The following WDR70 variants were observed in gnomAD, a reference collection of about 807,000 sequenced individuals.
WDR70 encodes WD repeat-containing protein 70.
WDR70 carries 53 observed loss-of-function variants against 88.6 expected under a neutral mutation model. The observed-to-expected ratio is 0.60, with a 90% CI of 0.48 to 0.75. WDR70 has a LOEUF of 0.75. Among genes scored for constraint, WDR70 ranks in the 30% least tolerant of loss-of-function variants. The pLI is 0.00. For synonymous variants in WDR70, 280 were observed against 270.0 expected, an observed-to-expected ratio of 1.04 and a Z score of -0.36; for missense variants, 610 against 823.2, an observed-to-expected ratio of 0.74 and a Z score of 3.17.
chr5:37,627,480 T>G (rs1009999326), intron 10 of WDR70, among the ~76,000 whole-genome samples: 4 of 152,152 alleles, frequency 2.6e-5, no homozygotes, highest in East Asian at 1.9e-4. Context: ...TTGTTTGTTT[T>G]TTTTCTTCAT....
chr5:37,402,943 C>CTTTTTTTT (rs1561838923), intron 5 of WDR70, among the ~76,000 whole-genome samples: 29 of 41,668 alleles, frequency 7.0e-4, no homozygotes, highest in African/African-American at 2.1e-3. Flanking sequence ...TCCCTCCCTC[C>CTTTTTTTT]GTTTTTTTTT....
chr5:37,470,595 G>T (rs960337547), intron 7 of WDR70, among the ~76,000 whole-genome samples: 1 of 152,084 alleles, frequency 6.6e-6, no homozygotes, highest in South Asian at 2.1e-4. Context: ...TATTGTTTTT[G>T]TCTGGCTTCT....
At chr5:37,429,715 T>C (rs546317283) in intron 5 of WDR70, among the ~76,000 whole-genome samples, 3 of 152,354 alleles carry the variant, frequency 2.0e-5, no homozygotes, top group African/African-American at 7.2e-5. Context: ...ACTATCACAA[T>C]GTCTCAGTTA....
intron 1 of WDR70, 32 bp from the exon 2 acceptor site, chr5:37,379,457 A>T: frequency 6.2e-7 from 1 of 1,613,824 alleles, no homozygotes; most frequent in East Asian, 2.2e-5. Context: ...CGCCGCACTA[A>T]CTAGGCCGCC....
At chr5:37,703,672 T>C (rs1054063416) in intron 13 of WDR70, among the ~76,000 whole-genome samples, 14 of 152,244 alleles carry the variant, frequency 9.2e-5, no homozygotes, top group African/African-American at 2.9e-4. Flanking sequence ...CATTCACTGA[T>C]GCATTCATTC....
At chr5:37,399,419 CAAAAA>C (rs950538639) in intron 5 of WDR70, among the ~76,000 whole-genome samples, 1 of 151,638 alleles carries the variant, frequency 6.6e-6, no homozygotes, top group African/African-American at 2.4e-5. Flanking sequence ...GACTCTGTCT[CAAAAA>C]AAAATTTTTT....
chr5:37,600,813 G>A (rs1230702799), intron 9 of WDR70, among the ~76,000 whole-genome samples: 1 of 114,166 alleles, frequency 8.8e-6, no homozygotes, highest in Non-Finnish European at 2.2e-5. Context: ...ATGTAAAAGG[G>A]TACAGCCACT....
At chr5:37,708,883 G>A (rs1747434107) in intron 13 of WDR70, among the ~76,000 whole-genome samples, 2 of 152,154 alleles carry the variant, frequency 1.3e-5, no homozygotes, top group Non-Finnish European at 2.9e-5. Context: ...CTATGCCTGT[G>A]AAAGTTTGAT....
intron 9 of WDR70, among the ~76,000 whole-genome samples, chr5:37,563,472 A>T: frequency 2.3e-5 from 1 of 44,358 alleles, no homozygotes; most frequent in African/African-American, 6.8e-5. Flanking sequence ...CTGGCCGGGC[A>T]GAGGGGCTCC....
chr5:37,705,860 T>C (rs1747307951), intron 13 of WDR70, among the ~76,000 whole-genome samples: 1 of 152,186 alleles, frequency 6.6e-6, no homozygotes, highest in Non-Finnish European at 1.5e-5. Context: ...CAGACAGTGA[T>C]GGCATTATGT....
At chr5:37,553,834 G>A (rs1412362343) in intron 9 of WDR70, among the ~76,000 whole-genome samples, 1 of 152,134 alleles carries the variant, frequency 6.6e-6, no homozygotes, top group Non-Finnish European at 1.5e-5. Context: ...GTTATTTAAT[G>A]TCTCCATGCC....
intron 5 of WDR70, among the ~76,000 whole-genome samples, chr5:37,421,357 C>G (rs1749940893): frequency 1.3e-5 from 2 of 152,230 alleles, no homozygotes; most frequent in Non-Finnish European, 2.9e-5. Context: ...ACTTTTTCTT[C>G]TCTCTGGATG....
chr5:37,752,465 CTTCTT>C lies in WDR70; in HGVS notation c.1878-19_1878-15del. The C allele has an allele frequency of 6.3e-7, 1 of 1,588,034 alleles. No homozygotes were observed. Among genetic ancestry groups the C allele is most frequent in the Non-Finnish European group, 8.6e-7 (1 of 1,168,634 alleles). ...ACTTTCTGACTAAATTTTTCCTTCT[CTTCTT>C]TAACTTTTCTTTTAGGACTCAGCCC... On this transcript the variant is annotated splice_polypyrimidine_tract_variant and intron_variant, in intron 17 of 17. Coordinates refer to ENST00000265107, the MANE Select transcript of WDR70 (RefSeq NM_018034.4).
chr5:37,609,936 A>T lies in WDR70; in HGVS notation c.1092+4698A>T, dbSNP rs1023166957. Reference sequence around the variant, plus strand: ...AAATGTCTCCAGTTGCTGTCAGATAACCCATGTTAAAAGATTACTTTATGT... The same window carrying T: ...AAATGTCTCCAGTTGCTGTCAGATATCCCATGTTAAAAGATTACTTTATGT... On this transcript the variant is annotated intron_variant, in intron 10 of 17. Coordinates refer to ENST00000265107, the MANE Select transcript of WDR70 (RefSeq NM_018034.4). Among the ~76,000 whole-genome samples, 8 of 152,224 alleles carry T rather than the reference A, an allele frequency of 5.3e-5. 1 individual carries two copies. The highest frequency in any genetic ancestry group is 1.9e-4 in the African/African-American group (8 of 41,470).
intron 4 of WDR70, among the ~76,000 whole-genome samples, chr5:37,393,128 C>T (rs941863406): frequency 1.2e-4 from 18 of 152,122 alleles, no homozygotes; most frequent in Admixed American, 3.3e-4. Flanking sequence ...CTGCAACCTC[C>T]GCCTCCCGGG....
intron 7 of WDR70, among the ~76,000 whole-genome samples, chr5:37,469,291 C>A (rs1350736677): frequency 6.6e-6 from 1 of 152,164 alleles, no homozygotes; most frequent in Non-Finnish European, 1.5e-5. Flanking sequence ...CCTGCTGATA[C>A]AGGACCAAAG....
chr5:37,410,675 A>G (rs1197126161), intron 5 of WDR70, among the ~76,000 whole-genome samples: 1 of 152,210 alleles, frequency 6.6e-6, no homozygotes, highest in Non-Finnish European at 1.5e-5. Context: ...TATAAATGGT[A>G]TGTACAGAGT....
At chr5:37,379,621 G>C in intron 2 of WDR70, 67 bp downstream of exon 2, 1 of 1,555,300 alleles carries the variant, frequency 6.4e-7, no homozygotes, top group Non-Finnish European at 8.9e-7. Context: ...CAGAGTGGGA[G>C]TGGAGATCGA....
intron 10 of WDR70, among the ~76,000 whole-genome samples, chr5:37,644,310 C>G (rs1745179303): frequency 6.6e-6 from 1 of 152,036 alleles, no homozygotes; most frequent in South Asian, 2.1e-4. Context: ...GTTAAACTAT[C>G]CTTGCATCAC....
Sources: gnomAD v4.1 joint callset for allele counts (sites outside exome capture counted in the v4.1 genomes callset) on GRCh38, gnomAD v4.1.1 for gene constraint, MANE v1.5 for transcripts, NCBI Gene and HGNC (gene_info 2026-07-23, HGNC 2026-07-21) for gene names.